Variants in CSMD1 observed in about 807,000 individuals in gnomAD.
CSMD1 encodes the protein CUB and sushi domain-containing protein 1.
Under a neutral mutation model 417.5 loss-of-function variants are expected in CSMD1, and 213 were observed. The ratio of observed to expected loss-of-function variants is 0.51; its 90% CI spans 0.46 to 0.57. The LOEUF (loss-of-function observed/expected upper bound fraction) is 0.57, where lower values mean the gene tolerates loss of function less well. Ranked by LOEUF, CSMD1 falls within the 20% of genes least tolerant of loss-of-function variation. CSMD1 has a pLI of 0.00. For synonymous variants in CSMD1, 2,862 were observed against 1,736.8 expected, an observed-to-expected ratio of 1.65 and a Z score of -16.11; for missense variants, 6,923 against 4,529.7, an observed-to-expected ratio of 1.53 and a Z score of -15.17.
chr8:3,462,559 G>A (rs1372230923), intron 12 of CSMD1, among the ~76,000 whole-genome samples: 1 of 152,146 alleles, frequency 6.6e-6, no homozygotes, highest in Admixed American at 6.5e-5. Flanking sequence ...ATCTGTCACT[G>A]TCTCCCATCA....
chr8:4,471,340 G>T (rs537109107), intron 2 of CSMD1, among the ~76,000 whole-genome samples: 19 of 152,160 alleles, frequency 1.2e-4, no homozygotes, highest in East Asian at 3.9e-4. Flanking sequence ...TCACTATATC[G>T]CAGCTTATTT....
At chr8:3,712,192 C>T (rs1469423477) in intron 6 of CSMD1, among the ~76,000 whole-genome samples, 2 of 152,064 alleles carry the variant, frequency 1.3e-5, no homozygotes, top group Non-Finnish European at 1.5e-5. Flanking sequence ...CTCTGCTAAT[C>T]TTGGCAACGT....
intron 7 of CSMD1, among the ~76,000 whole-genome samples, chr8:3,640,294 G>C (rs12156144): frequency 0.45 from 68,395 of 152,066 alleles, 15,554 homozygotes; most frequent in Middle Eastern, 0.61. Flanking sequence ...GGAACATTTA[G>C]TCTCCAGGTT....
chr8:4,869,894 G>C (rs1261110207), intron 1 of CSMD1, among the ~76,000 whole-genome samples: 4 of 151,684 alleles, frequency 2.6e-5, no homozygotes, highest in Non-Finnish European at 5.9e-5. Flanking sequence ...GTTAATGTTA[G>C]ATTTAAGAAT....
intron 41 of CSMD1, among the ~76,000 whole-genome samples, chr8:3,126,653 C>G (rs1817529174): frequency 6.6e-6 from 1 of 152,188 alleles, no homozygotes; most frequent in African/African-American, 2.4e-5. Flanking sequence ...GCATATCACT[C>G]TTTCTTTATA....
At chr8:3,916,121 C>A (rs571493713) in intron 5 of CSMD1, among the ~76,000 whole-genome samples, 14 of 151,732 alleles carry the variant, frequency 9.2e-5, no homozygotes, top group South Asian at 2.1e-4. Context: ...AGATAACATG[C>A]CAGTAAATTT....
chr8:4,330,650 C>A (rs1416093734), intron 3 of CSMD1, among the ~76,000 whole-genome samples: 3 of 151,634 alleles, frequency 2.0e-5, no homozygotes, highest in African/African-American at 7.3e-5. Context: ...TTTGTTTTCA[C>A]AACCTCTTAT....
At chr8:3,652,104 C>G (rs560825601) in intron 7 of CSMD1, among the ~76,000 whole-genome samples, 1 of 123,514 alleles carries the variant, frequency 8.1e-6, no homozygotes, top group Non-Finnish European at 1.8e-5. Context: ...GCACCTACCA[C>G]CATCAGCACG....
At chr8:3,791,354 T>TG (rs1799730940) in intron 5 of CSMD1, among the ~76,000 whole-genome samples, 1 of 152,150 alleles carries the variant, frequency 6.6e-6, no homozygotes, top group African/African-American at 2.4e-5. Flanking sequence ...TGAAACAATG[T>TG]GAAAAAATAA....
chr8:4,203,990 A>G (rs1378064029), intron 3 of CSMD1, among the ~76,000 whole-genome samples: 1 of 152,088 alleles, frequency 6.6e-6, no homozygotes, highest in African/African-American at 2.4e-5. Flanking sequence ...GGTCCCAGCT[A>G]CTCGGAAGAC....
intron 3 of CSMD1, among the ~76,000 whole-genome samples, chr8:4,390,184 C>A (rs1585000923): frequency 6.6e-6 from 1 of 152,322 alleles, no homozygotes; most frequent in Non-Finnish European, 1.5e-5. Flanking sequence ...TTTCCTGAGT[C>A]TGGCTGGTAT....
chr8:4,371,532 A>G (rs560096297), intron 3 of CSMD1, among the ~76,000 whole-genome samples: 22 of 152,328 alleles, frequency 1.4e-4, no homozygotes, highest in African/African-American at 5.3e-4. Context: ...CAAAGAGACA[A>G]TATCGTTATA....
chr8:4,198,819 A>G (rs34517386), intron 3 of CSMD1, among the ~76,000 whole-genome samples: 28,533 of 152,092 alleles, frequency 0.19, 2,887 homozygotes, highest in East Asian at 0.27. Flanking sequence ...CATGGCACAA[A>G]AAGTTAAAGT....
chr8:4,070,512 C>T (rs915455278), intron 3 of CSMD1, among the ~76,000 whole-genome samples: 6 of 152,114 alleles, frequency 3.9e-5, no homozygotes, highest in Non-Finnish European at 8.8e-5. Flanking sequence ...CGCCCGCCAC[C>T]ACGGCCGGCT....
In CSMD1 at chr8:4,255,085, G is replaced by A. The variant is rs996102406; in HGVS notation, c.415+164868C>T. On this transcript the variant is annotated intron_variant, in intron 3 of 69. Coordinates refer to ENST00000635120, the MANE Select transcript of CSMD1 (RefSeq NM_033225.6). ...GCCTTTTTTATTATTTTGCTCAAAT[G>A]GTTTAACCCCTCGGTCTCTCTACTT... is the stretch of plus-strand genomic sequence containing the variant. Among the ~76,000 whole-genome samples the A allele has an allele frequency of 5.3e-5, 8 of 152,228 alleles. No homozygotes were observed. The South Asian group carries it at 1.0e-3, about 20-fold the overall frequency.
intron 7 of CSMD1, among the ~76,000 whole-genome samples, chr8:3,706,616 G>C (rs939518945): frequency 1.3e-5 from 2 of 152,128 alleles, no homozygotes; most frequent in Admixed American, 6.5e-5. Context: ...AAGAAAAAAA[G>C]CTCTGCCTCA....
intron 7 of CSMD1, among the ~76,000 whole-genome samples, chr8:3,691,842 T>C (rs1800262637): frequency 6.6e-6 from 1 of 152,198 alleles, no homozygotes; most frequent in Non-Finnish European, 1.5e-5. Flanking sequence ...AAAGAGAGTC[T>C]GTAACTTGAA....
At chr8:4,007,278 G>C (rs17068521) in intron 4 of CSMD1, among the ~76,000 whole-genome samples, 1,970 of 152,282 alleles carry the variant, frequency 0.013, 48 homozygotes, top group African/African-American at 0.045. Context: ...GGCCCTGAAA[G>C]GCATTATGTG....
intron 2 of CSMD1, among the ~76,000 whole-genome samples, chr8:4,465,230 G>C (rs777181243): frequency 1.3e-5 from 2 of 152,132 alleles, no homozygotes; most frequent in Non-Finnish European, 2.9e-5. Flanking sequence ...CATTTGCTCT[G>C]AAGTTTGAGT....
Sources: gnomAD v4.1 joint callset for allele counts (sites outside exome capture counted in the v4.1 genomes callset) on GRCh38, gnomAD v4.1.1 for gene constraint, MANE v1.5 for transcripts, NCBI Gene and HGNC (gene_info 2026-07-23, HGNC 2026-07-21) for gene names.